The following SND1 variants were observed in gnomAD, a reference collection of about 807,000 sequenced individuals.
SND1 encodes staphylococcal nuclease domain-containing protein 1.
Under a neutral mutation model 121.7 loss-of-function variants are expected in SND1, and 38 were observed. That is an observed-to-expected ratio of 0.31 (90% confidence interval 0.24 to 0.41). SND1 has a LOEUF of 0.41. SND1 is among the 10% of genes least tolerant of loss of function. The pLI is 1.00. For missense variants in SND1, 868 were observed against 1,184.6 expected (o/e 0.73, Z 3.92); for synonymous variants, 401 against 447.4 (o/e 0.90, Z 1.31).
intron 13 of SND1, among the ~76,000 whole-genome samples, chr7:127,896,393 A>T (rs541355828): frequency 2.6e-5 from 4 of 152,238 alleles, no homozygotes; most frequent in African/African-American, 9.6e-5. Flanking sequence ...ACTTTCTTGA[A>T]TGTCTTACAA....
intron 16 of SND1, among the ~76,000 whole-genome samples, chr7:128,070,583 T>C (rs1793393832): frequency 6.6e-6 from 1 of 152,154 alleles, no homozygotes; most frequent in South Asian, 2.1e-4. Context: ...AGTTTGCAAA[T>C]TACACAACAC....
intron 17 of SND1, 22 bp from the exon 18 acceptor site, chr7:128,081,338 C>T: frequency 6.2e-7 from 1 of 1,613,780 alleles, no homozygotes; most frequent in Non-Finnish European, 8.5e-7. Context: ...CCTCTTCTCA[C>T]CTCTGCCGAC....
intron 10 of SND1, among the ~76,000 whole-genome samples, chr7:127,726,213 T>C (rs1587622804): frequency 1.3e-5 from 2 of 152,320 alleles, no homozygotes; most frequent in East Asian, 3.9e-4. Flanking sequence ...TAGCCACTTC[T>C]GGATTTTGGT....
chr7:127,721,044 A>C (rs1436274901), intron 9 of SND1, among the ~76,000 whole-genome samples: 9 of 152,236 alleles, frequency 5.9e-5, no homozygotes, highest in African/African-American at 2.2e-4. Context: ...AAAATAAAAA[A>C]AGATTGACCA....
chr7:128,061,465 C>T (rs547065018), intron 16 of SND1, among the ~76,000 whole-genome samples: 3 of 152,240 alleles, frequency 2.0e-5, no homozygotes, highest in South Asian at 2.1e-4. Flanking sequence ...TCAAGATGCC[C>T]GGGCTAGGCA....
intron 16 of SND1, among the ~76,000 whole-genome samples, chr7:128,074,225 G>GCT (rs141914844): frequency 0.023 from 3,524 of 150,074 alleles, 142 homozygotes; most frequent in African/African-American, 0.079. Flanking sequence ...CTTCAGCTGC[G>GCT]CTCTCTCTCT....
At chr7:127,653,518 T>C (rs1223863783) in intron 1 of SND1, among the ~76,000 whole-genome samples, 1 of 152,106 alleles carries the variant, frequency 6.6e-6, no homozygotes, top group Non-Finnish European at 1.5e-5. Context: ...TTTTGAAAAA[T>C]TCTATTTTAG....
chr7:127,713,371 T>C (rs1796329848), intron 9 of SND1, among the ~76,000 whole-genome samples: 1 of 152,254 alleles, frequency 6.6e-6, no homozygotes, highest in Non-Finnish European at 1.5e-5. Flanking sequence ...ACAGCAGTTC[T>C]GTATCATTTT....
At chr7:127,720,805 C>G (rs916003404) in intron 9 of SND1, among the ~76,000 whole-genome samples, 1 of 152,138 alleles carries the variant, frequency 6.6e-6, no homozygotes, top group Non-Finnish European at 1.5e-5. Context: ...TCTTTTTGCC[C>G]TTCACTTGCC....
intron 16 of SND1, 24 bp from the exon 17 acceptor site, chr7:128,074,478 C>G: frequency 6.3e-7 from 1 of 1,597,768 alleles, no homozygotes; most frequent in Non-Finnish European, 8.5e-7. Context: ...CCCCCACAGG[C>G]TTACGCCTGT....
At chr7:127,660,636 G>A (rs1156776495) in intron 1 of SND1, among the ~76,000 whole-genome samples, 1 of 152,182 alleles carries the variant, frequency 6.6e-6, no homozygotes, top group Admixed American at 6.5e-5. Context: ...CCTCCAGTGA[G>A]CATTTTCTTT....
chr7:128,031,037 GGAGGGCA>G (rs1366422793), intron 16 of SND1: 1 of 151,858 alleles, frequency 6.6e-6, no homozygotes, highest in Non-Finnish European at 1.5e-5. Flanking sequence ...GTGGGGGCGG[GGAGGGCA>G]GAGGGGAGGG....
intron 15 of SND1, among the ~76,000 whole-genome samples, chr7:127,968,330 C>G (rs1261329993): frequency 1.3e-5 from 2 of 152,198 alleles, no homozygotes; most frequent in Non-Finnish European, 2.9e-5. Flanking sequence ...AAATTTGTCT[C>G]AGTAACACAG....
intron 14 of SND1, among the ~76,000 whole-genome samples, chr7:127,919,187 T>A (rs1171278845): frequency 6.6e-6 from 1 of 152,234 alleles, no homozygotes; most frequent in Admixed American, 6.5e-5. Context: ...AAAAGTGTTT[T>A]AGCCATTTAG....
chr7:127,972,299 G>A (rs1165084557), intron 15 of SND1, among the ~76,000 whole-genome samples: 1 of 151,644 alleles, frequency 6.6e-6, no homozygotes, highest in African/African-American at 2.4e-5. Flanking sequence ...GCCTTGCACT[G>A]TCACCAAGCT....
At chr7:128,033,883 T>G (rs1436766001) in intron 16 of SND1, among the ~76,000 whole-genome samples, 2 of 152,210 alleles carry the variant, frequency 1.3e-5, no homozygotes, top group African/African-American at 2.4e-5. Context: ...GAACTCAGGT[T>G]TCATTCATCC....
At chr7:128,076,477 G>A (rs1001502999) in intron 17 of SND1, among the ~76,000 whole-genome samples, 4 of 152,168 alleles carry the variant, frequency 2.6e-5, no homozygotes, top group African/African-American at 4.8e-5. Flanking sequence ...CTGAGGAACC[G>A]AGGCTGGCTT....
chr7:128,046,365 GTTT>G (rs373853260), intron 16 of SND1, among the ~76,000 whole-genome samples: 9 of 115,270 alleles, frequency 7.8e-5, no homozygotes, highest in Non-Finnish European at 1.2e-4. Flanking sequence ...TTGTTGTTGT[GTTT>G]TTTTTTTTTT....
chr7:127,862,802 C>T (rs770979829), intron 12 of SND1, among the ~76,000 whole-genome samples: 6 of 152,174 alleles, frequency 3.9e-5, no homozygotes, highest in Non-Finnish European at 8.8e-5. Context: ...GAGGTGAACA[C>T]GATATCTTTA....
Sources: allele counts gnomAD v4.1 joint callset (sites outside exome capture counted in the v4.1 genomes callset), GRCh38; gene constraint gnomAD v4.1.1; transcripts MANE v1.5; gene names NCBI Gene and HGNC (gene_info 2026-07-23, HGNC 2026-07-21).